The following DST variants were observed in gnomAD, a reference collection of about 807,000 sequenced individuals.
DST encodes the protein dystonin, also known as bullous pemphigoid antigen.
Under a neutral mutation model 875.2 loss-of-function variants are expected in DST, and 253 were observed. That is an observed-to-expected ratio of 0.29 (90% CI 0.26 to 0.32). The LOEUF (loss-of-function observed/expected upper bound fraction) is 0.32, where lower values mean the gene tolerates loss of function less well. Among genes scored for constraint, DST ranks in the 10% least tolerant of loss-of-function variants. The probability of loss-of-function intolerance (pLI) is 1.00; values close to 1 mark genes in which losing one functional copy is unlikely to be tolerated. For synonymous variants in DST, 3,124 were observed against 3,197.1 expected (o/e 0.98, Z 0.77); for missense variants, 8,287 against 9,111.6 (o/e 0.91, Z 3.68).
intron 3 of DST, among the ~76,000 whole-genome samples, chr6:56,894,019 C>G (rs1592170172): frequency 5.5e-5 from 1 of 18,266 alleles, no homozygotes; most frequent in Non-Finnish European, 1.0e-4. Context: ...GACCCAGCAA[C>G]CATCCGATTT....
In DST at chr6:56,839,454, ATAT is replaced by A. The variant is rs1307227669; in HGVS notation, c.625+11940_625+11942del. Among the ~76,000 whole-genome samples, 3 of 152,246 alleles carry A rather than the reference ATAT, an allele frequency of 2.0e-5. No individual in the cohort carries two copies. The East Asian group carries it at 5.8e-4, about 29-fold the overall frequency. On this transcript the variant is annotated intron_variant, in intron 4 of 103. Transcript: ENST00000680361. ...ACTTATACTATTATGACTAGCTATA[ATAT>A]TATCATGATGCAGCACAGTTAAAGT...
intron 4 of DST, among the ~76,000 whole-genome samples, chr6:56,816,913 T>A (rs1048700740): frequency 2.0e-5 from 3 of 151,958 alleles, no homozygotes; most frequent in Non-Finnish European, 4.4e-5. Context: ...TGTTTAAAAT[T>A]CTCTCCTGAA....
At position 56,598,515 on chromosome 6, in the gene DST, A is replaced by T; in HGVS notation, c.11889T>A (p.Asp3963Glu). The change falls in exon 46 of 104, where the codon GAT (aspartate) becomes GAA (glutamate). Residue 3963 changes from aspartate to glutamate, a missense_variant. Coordinates refer to ENST00000680361, the MANE Select transcript of DST (RefSeq NM_001374736.1). ...CCTTGATTGCTGTTGTCACAACTTT[A>T]TCCAGCTCCTTTTTAGACTGTTCTG... ...LKAEQSKKEL[D>E]KVVTTAIKEE... The T allele has an allele frequency of 6.3e-7, 1 of 1,593,958 alleles. No homozygotes were observed. Among genetic ancestry groups the T allele is most frequent in the Non-Finnish European group, 8.5e-7 (1 of 1,170,066 alleles).
At chr6:56,602,839 T>G (rs765237866) in intron 43 of DST, 43 bp downstream of exon 43, 1 of 1,390,274 alleles carries the variant, frequency 7.2e-7, no homozygotes, top group Non-Finnish European at 9.4e-7. Context: ...ATTAAAGTCA[T>G]AGTTTTTGAA....
chr6:56,596,391 T>C (rs1333615231), intron 47 of DST, among the ~76,000 whole-genome samples: 1 of 152,156 alleles, frequency 6.6e-6, no homozygotes, highest in East Asian at 1.9e-4. Flanking sequence ...AGATGGGAAA[T>C]GCCACACTGT....
chr6:56,880,558 A>T (rs1370473873), intron 3 of DST, among the ~76,000 whole-genome samples: 2 of 151,966 alleles, frequency 1.3e-5, no homozygotes, highest in Admixed American at 1.3e-4. Context: ...CGTGGTACAC[A>T]CACCTGTTAT....
rs1048840988 is a variant in DST at position 56,740,905 on chromosome 6, A to C, written c.626-5616T>G. The stretch of plus-strand genomic sequence containing the variant: ...CCTGATGCTAAATCCTCAAGAAAAA[A>C]AAATTAATAATATATTAAAAATCTT... On this transcript the variant is annotated intron_variant, in intron 4 of 103. Coordinates refer to ENST00000680361, the MANE Select transcript of DST (RefSeq NM_001374736.1). Among the ~76,000 whole-genome samples the C allele has an allele frequency of 5.3e-5, 8 of 152,250 alleles. No individual in the cohort carries two copies. In the East Asian group the frequency reaches 1.5e-3, roughly 29 times the overall value.
chr6:56,486,729 A>G (rs2095581979), intron 87 of DST, among the ~76,000 whole-genome samples: 1 of 152,144 alleles, frequency 6.6e-6, no homozygotes, highest in African/African-American at 2.4e-5. Context: ...AAGTCACCAA[A>G]GGGTGTGAAG....
chr6:56,477,348 C>T lies in DST; in HGVS notation c.21672G>A (p.Glu7224=), dbSNP rs2095243307. 2 of 1,613,644 alleles carry T rather than the reference C, an allele frequency of 1.2e-6. No individual in the cohort carries two copies. Among genetic ancestry groups the T allele is most frequent in the Admixed American group, 1.7e-5 (1 of 59,998 alleles). Residue 7224 remains glutamate (E), a synonymous_variant, in exon 91 of 104, where the codon GAG becomes GAA. Coordinates refer to ENST00000680361, the MANE Select transcript of DST (RefSeq NM_001374736.1). ...HWITIIRARF[E]EVLAWAKQHQ... ...AGATTATCTGAGACACACTGACCTC[C>T]TCAAACCTCGCCCGGATGATTGTTA...
At chr6:56,863,400 C>T (rs568693294) in intron 3 of DST, among the ~76,000 whole-genome samples, 2 of 152,320 alleles carry the variant, frequency 1.3e-5, no homozygotes, top group South Asian at 4.1e-4. Context: ...TTTCTTCTGA[C>T]TTCCAATTGT....
At chr6:56,609,496 G>A (rs1422494205) in intron 39 of DST, among the ~76,000 whole-genome samples, 152 bp from the exon 40 acceptor site, 1 of 152,238 alleles carries the variant, frequency 6.6e-6, no homozygotes, top group Non-Finnish European at 1.5e-5. Flanking sequence ...ATGTTAGGCA[G>A]TTCAAATGCA....
At chr6:56,893,804 A>G (rs566432157) in intron 3 of DST, among the ~76,000 whole-genome samples, 1 of 41,376 alleles carries the variant, frequency 2.4e-5, no homozygotes, top group Admixed American at 2.4e-4. Flanking sequence ...ATGACTCTCA[A>G]CGAGCATGCT....
intron 60 of DST, 29 bp from the exon 61 acceptor site, chr6:56,553,684 T>C (rs2097355136): frequency 1.3e-6 from 2 of 1,577,254 alleles, no homozygotes; most frequent in African/African-American, 1.4e-5. Context: ...GATATGTTTA[T>C]TTTACATCAA....
intron 3 of DST, among the ~76,000 whole-genome samples, chr6:56,881,346 G>GC (rs1159741212): frequency 6.6e-6 from 1 of 151,948 alleles, no homozygotes; most frequent in East Asian, 2.0e-4. Context: ...GGTGAGACAT[G>GC]CCTGTAGTCC....
Position 56,640,329 on chromosome 6 carries a change from A to T in DST, c.2304T>A (p.Pro768=). ...LTPSVTPAYT[P]GFPSGLVPNF... is the part of the protein sequence containing the mutation. ...TTGGAACTAATCCTGATGGGAAACC[A>T]GGTGTATAAGCTGGAGTGACAGATG... is the stretch of plus-strand genomic sequence containing the variant. The change falls in exon 18 of 104, where the codon CCT becomes CCA. Residue 768 remains proline, a synonymous_variant. Coordinates refer to ENST00000680361, the MANE Select transcript of DST (RefSeq NM_001374736.1). 1 of 1,614,206 alleles carries T rather than the reference A, an allele frequency of 6.2e-7. No homozygotes were observed. Among genetic ancestry groups the T allele is most frequent in the Non-Finnish European group, 8.5e-7 (1 of 1,180,028 alleles).
At chr6:56,616,066 A>T (rs1049917392) in intron 36 of DST, 1 of 1,614,082 alleles carries the variant, frequency 6.2e-7, no homozygotes, top group African/African-American at 1.3e-5. Flanking sequence ...CCAAATTTCT[A>T]CGGGAGGCTT....
intron 64 of DST, among the ~76,000 whole-genome samples, 184 bp downstream of exon 64, chr6:56,532,160 C>A (rs1233109591): frequency 6.6e-6 from 1 of 152,104 alleles, no homozygotes; most frequent in Non-Finnish European, 1.5e-5. Context: ...TGGGATATAG[C>A]GGTGACAAGC....
chr6:56,804,656 C>G (rs1270709917), intron 4 of DST, among the ~76,000 whole-genome samples: 1 of 152,162 alleles, frequency 6.6e-6, no homozygotes, highest in African/African-American at 2.4e-5. Flanking sequence ...TACATATGCA[C>G]AGAGGAAATG....
At chr6:56,826,940 C>A (rs922625848) in intron 4 of DST, among the ~76,000 whole-genome samples, 2 of 152,098 alleles carry the variant, frequency 1.3e-5, no homozygotes, top group Non-Finnish European at 2.9e-5. Context: ...CATGTTCTTG[C>A]CAGTGCTGGA....
Sources: allele counts gnomAD v4.1 joint callset (sites outside exome capture counted in the v4.1 genomes callset), GRCh38; gene constraint gnomAD v4.1.1; transcripts MANE v1.5; gene names NCBI Gene and HGNC (gene_info 2026-07-23, HGNC 2026-07-21).